The following CSGALNACT1 variants were observed in gnomAD, a reference collection of about 807,000 sequenced individuals.
CSGALNACT1 encodes the protein chondroitin sulfate N-acetylgalactosaminyltransferase 1, also known as beta4GalNAcT-1.
In CSGALNACT1, 52 loss-of-function variants were observed where a neutral mutation model predicts 51.0. That is an observed-to-expected ratio of 1.02 (90% CI 0.82 to 1.29). The LOEUF is 1.29. CSGALNACT1 is among the 50% of genes most tolerant of loss of function. The probability of loss-of-function intolerance (pLI) is 0.00; values close to 1 mark genes in which losing one functional copy is unlikely to be tolerated. For synonymous variants in CSGALNACT1, 341 were observed against 254.4 expected, an observed-to-expected ratio of 1.34 and a Z score of -3.24; for missense variants, 935 against 679.2, an observed-to-expected ratio of 1.38 and a Z score of -4.19.
intron 3 of CSGALNACT1, among the ~76,000 whole-genome samples, chr8:19,546,007 C>T (rs1283135778): frequency 4.0e-5 from 6 of 151,610 alleles, no homozygotes; most frequent in Non-Finnish European, 7.4e-5. Context: ...CACAGATAGC[C>T]CAAGAAAATT....
At chr8:19,596,413 C>G (rs988030933) in intron 2 of CSGALNACT1, among the ~76,000 whole-genome samples, 2 of 152,086 alleles carry the variant, frequency 1.3e-5, no homozygotes, top group Non-Finnish European at 2.9e-5. Context: ...GAGTGTGTCA[C>G]GCCCTCTGCT....
At chr8:19,723,148 G>C (rs192772171) in intron 1 of CSGALNACT1, among the ~76,000 whole-genome samples, 1 of 152,124 alleles carries the variant, frequency 6.6e-6, no homozygotes, top group Admixed American at 6.5e-5. Flanking sequence ...ACCTTATTTT[G>C]GGCTCTGGCC....
chr8:19,570,089 C>A (rs1039421563), intron 3 of CSGALNACT1, among the ~76,000 whole-genome samples: 1 of 145,960 alleles, frequency 6.9e-6, no homozygotes, highest in Non-Finnish European at 1.5e-5. Flanking sequence ...AGATTGGGGG[C>A]CTATTTTTTT....
In CSGALNACT1 at chr8:19,613,982, G is replaced by A. The variant is rs962396840; in HGVS notation, c.-543-12117C>T. ...CTGAGAGGTGATATTTAGAAAAACA[G>A]TTTCTACGATCAAGTGACTCTGGAA... is the stretch of plus-strand genomic sequence containing the variant. On this transcript the variant is annotated intron_variant, in intron 1 of 9. Coordinates refer to the CSGALNACT1 transcript ENST00000332246. Among the ~76,000 whole-genome samples, 5 of 152,278 alleles carry A rather than the reference G, an allele frequency of 3.3e-5. No homozygotes were observed. In the South Asian group the frequency reaches 1.0e-3, roughly 32 times the overall value.
chr8:19,438,915 C>G (rs562689845), intron 6 of CSGALNACT1, among the ~76,000 whole-genome samples: 1 of 152,304 alleles, frequency 6.6e-6, no homozygotes, highest in Admixed American at 6.5e-5. Flanking sequence ...CGACTATCAT[C>G]CTATTACCAT....
intron 2 of CSGALNACT1, among the ~76,000 whole-genome samples, chr8:19,596,241 T>A (rs979833278): frequency 5.3e-5 from 8 of 152,170 alleles, no homozygotes; most frequent in Non-Finnish European, 1.0e-4. Flanking sequence ...ACTTCCTATG[T>A]GTCAGCTGAA....
chr8:19,505,494 T>C (rs1458607875), exon 4 of CSGALNACT1: 1 of 1,613,998 alleles, frequency 6.2e-7, no homozygotes, highest in African/African-American at 1.3e-5. Flanking sequence ...CTGGGTTTTC[T>C]CTGGGGGGCT....
chr8:19,575,522 A>T (rs1003542465), intron 3 of CSGALNACT1, among the ~76,000 whole-genome samples: 1 of 152,268 alleles, frequency 6.6e-6, no homozygotes. Context: ...AACTTTCAAT[A>T]GGAAAAATAA....
chr8:19,516,613 C>G (rs765545387), intron 3 of CSGALNACT1, among the ~76,000 whole-genome samples: 2 of 152,242 alleles, frequency 1.3e-5, no homozygotes, highest in Non-Finnish European at 2.9e-5. Flanking sequence ...AATCCCCATC[C>G]CGGTGTGAGC....
intron 1 of CSGALNACT1, among the ~76,000 whole-genome samples, chr8:19,691,350 A>G (rs1002933832): frequency 1.3e-5 from 2 of 152,186 alleles, no homozygotes; most frequent in African/African-American, 4.8e-5. Flanking sequence ...TTGACAACAC[A>G]GCCAACCTCA....
intron 5 of CSGALNACT1, among the ~76,000 whole-genome samples, chr8:19,452,680 G>C (rs529266621): frequency 1.3e-5 from 2 of 152,288 alleles, no homozygotes; most frequent in South Asian, 4.1e-4. Flanking sequence ...ACGTGAGTAA[G>C]TGGGACTGAC....
chr8:19,408,601 G>C lies in CSGALNACT1; in HGVS notation c.1309+12C>G, dbSNP rs1450300809. ...GCCTCTGGGTGGCAGTAGAGATGCA[G>C]ATTTGTCCTACCTATATTGATGAAG... On this transcript the variant is annotated intron_variant, in intron 9 of 9. Coordinates refer to ENST00000454498, the Ensembl canonical transcript of CSGALNACT1. 22 of 1,599,068 alleles carry C rather than the reference G, an allele frequency of 1.4e-5. No individual in the cohort carries two copies. Among genetic ancestry groups the C allele is most frequent in the Non-Finnish European group, 1.9e-5 (22 of 1,171,698 alleles).
At chr8:19,473,468 T>C (rs1403019176) in intron 4 of CSGALNACT1, among the ~76,000 whole-genome samples, 1 of 151,956 alleles carries the variant, frequency 6.6e-6, no homozygotes, top group Non-Finnish European at 1.5e-5. Flanking sequence ...ACACACAGAG[T>C]CTCCTGGCTC....
At chr8:19,646,697 C>A (rs2057309165) in intron 1 of CSGALNACT1, among the ~76,000 whole-genome samples, 1 of 152,158 alleles carries the variant, frequency 6.6e-6, no homozygotes, top group African/African-American at 2.4e-5. Context: ...ACTTAAAACT[C>A]TCAGACTCAA....
chr8:19,694,812 G>A (rs1456386320), intron 1 of CSGALNACT1, among the ~76,000 whole-genome samples: 2 of 152,148 alleles, frequency 1.3e-5, no homozygotes, highest in Non-Finnish European at 2.9e-5. Flanking sequence ...AAAGAAGAAA[G>A]AAAAGAAACA....
chr8:19,741,845 C>T (rs1178362282), intron 1 of CSGALNACT1, among the ~76,000 whole-genome samples: 3 of 152,094 alleles, frequency 2.0e-5, no homozygotes, highest in Non-Finnish European at 4.4e-5. Flanking sequence ...ATGATGAGAG[C>T]TAATATTTCT....
At chr8:19,567,013 T>G (rs1231820865) in intron 3 of CSGALNACT1, among the ~76,000 whole-genome samples, 1 of 152,074 alleles carries the variant, frequency 6.6e-6, no homozygotes, top group Non-Finnish European at 1.5e-5. Flanking sequence ...TAAGATAATA[T>G]CCCCAATTCA....
At chr8:19,526,153 C>G (rs569345163) in intron 3 of CSGALNACT1, among the ~76,000 whole-genome samples, 1 of 152,340 alleles carries the variant, frequency 6.6e-6, no homozygotes, top group Admixed American at 6.5e-5. Context: ...AAACCCACCT[C>G]TCTCATGAAA....
At chr8:19,471,559 G>A (rs181781929) in intron 4 of CSGALNACT1, among the ~76,000 whole-genome samples, 56 of 152,192 alleles carry the variant, frequency 3.7e-4, no homozygotes, top group African/African-American at 1.3e-3. Flanking sequence ...TCTTTCTTCT[G>A]AGGCGGCAAG....
Sources: allele counts gnomAD v4.1 joint callset (sites outside exome capture counted in the v4.1 genomes callset), GRCh38; gene constraint gnomAD v4.1.1; transcripts MANE v1.5; gene names NCBI Gene and HGNC (gene_info 2026-07-23, HGNC 2026-07-21).